The following PCDHGA6 variants were observed in gnomAD, a reference collection of about 807,000 sequenced individuals.
PCDHGA6 encodes protocadherin gamma subfamily A, 6, also known as protocadherin gamma-A6.
A neutral mutation model predicts 60.6 loss-of-function variants in PCDHGA6; 41 were observed. That is an observed-to-expected ratio of 0.68 (90% CI 0.53 to 0.88). PCDHGA6 has a LOEUF of 0.88. Ranked by LOEUF, PCDHGA6 falls within the 40% of genes least tolerant of loss-of-function variation. The pLI is 0.00. For synonymous variants in PCDHGA6, 594 were observed against 524.4 expected (o/e 1.13, Z -1.81); for missense variants, 1,312 against 1,203.0 (o/e 1.09, Z -1.34).
At chr5:141,415,304 C>T (rs1468756434) in intron 1 of PCDHGA6, 2 of 1,614,188 alleles carry the variant, frequency 1.2e-6, no homozygotes, top group Non-Finnish European at 8.5e-7. Context: ...GTCTTCCTGG[C>T]CTTCGTCATC....
intron 1 of PCDHGA6, chr5:141,427,240 C>G (rs1447231420): frequency 1.3e-5 from 6 of 456,536 alleles, no homozygotes; most frequent in Non-Finnish European, 2.6e-5. Context: ...AGAGTAGAAG[C>G]TAAGGATGGT....
At position 141,431,555 on chromosome 5, in the gene PCDHGA6, G is replaced by A. The variant is rs2097394199; in HGVS notation, c.2424+55048G>A. On this transcript the variant is annotated intron_variant, in intron 1 of 3. Transcript: ENST00000517434. This position sits in a 1 kb window ranked among gnomAD's most constrained non-coding sequence, Gnocchi z 4.8. The stretch of plus-strand genomic sequence containing the variant: ...GGGCACGCAGCTGCTTGTAGTCAAC[G>A]CTACCGACCCTGACGAAGGAGTCAA... 1 of 1,614,014 alleles carries A rather than the reference G, an allele frequency of 6.2e-7. No individual in the cohort carries two copies. The highest frequency in any genetic ancestry group is 8.5e-7 in the Non-Finnish European group (1 of 1,180,032).
At position 141,487,550 on chromosome 5, in the gene PCDHGA6, G is replaced by A. The variant is rs762537798; in HGVS notation, c.2425-7257G>A. 1 of 1,614,160 alleles carries A rather than the reference G, an allele frequency of 6.2e-7. No individual in the cohort carries two copies. The highest frequency in any genetic ancestry group is 1.1e-5 in the South Asian group (1 of 91,082). ...CTTCATGATGGTGAAGTCACCCAGT[G>A]CACCTATGGCAGGGGAGCCTGTTCG... On this transcript the variant is annotated intron_variant, in intron 1 of 3. Transcript: ENST00000517434. The surrounding 1 kb of genome is among the most constrained non-coding windows in gnomAD (Gnocchi z 5.0).
Position 141,483,381 on chromosome 5 carries a change from G to T in PCDHGA6, c.2425-11426G>T, listed in dbSNP as rs147887550. ...AAGCTATTGCAATATTTGAAGAGAA[G>T]ATTGATAAATGCTTGAACCAGCACA... On this transcript the variant is annotated intron_variant, in intron 1 of 3. Transcript: ENST00000517434. 2.0e-3 allele frequency among the ~76,000 whole-genome samples: 305 copies of T among 152,292 alleles called. 2 individuals are homozygous for T. Among genetic ancestry groups the T allele is most frequent in the African/African-American group, 6.9e-3 (286 of 41,558 alleles).
At chr5:141,404,791 G>A (rs747844350) in intron 1 of PCDHGA6, 2 of 1,613,932 alleles carry the variant, frequency 1.2e-6, no homozygotes, top group Non-Finnish European at 8.5e-7. Flanking sequence ...AGGCCAGTGA[G>A]CCAGGGCTCT....
At position 141,376,339 on chromosome 5, in the gene PCDHGA6, C is replaced by G; in HGVS notation, c.2256C>G (p.Thr752=). The change falls in exon 1 of 4, where the codon ACC becomes ACG. Residue 752 remains threonine (T), a synonymous_variant. Transcript: ENST00000517434. The part of the protein sequence containing the change: ...GVEGVRAFLQ[T]YSHEVSLTAD... ...AAGGGGTTCGGGCTTTCCTGCAGAC[C>G]TATTCCCACGAGGTCTCACTCACTG... is the stretch of plus-strand genomic sequence containing the variant. The G allele has an allele frequency of 6.2e-7, 1 of 1,614,192 alleles. No homozygotes were observed. Among genetic ancestry groups the G allele is most frequent in the Non-Finnish European group, 8.5e-7 (1 of 1,180,036 alleles).
At chr5:141,443,088 T>G (rs188899890) in intron 1 of PCDHGA6, among the ~76,000 whole-genome samples, 1 of 151,974 alleles carries the variant, frequency 6.6e-6, no homozygotes, top group African/African-American at 2.4e-5. Context: ...TGTTCCAGTC[T>G]CCTTCTCAAG....
intron 1 of PCDHGA6, among the ~76,000 whole-genome samples, chr5:141,439,371 TA>T (rs1008614540): frequency 7.2e-5 from 11 of 152,034 alleles, no homozygotes; most frequent in Non-Finnish European, 1.0e-4. Flanking sequence ...CAAGAAGAAA[TA>T]AAAATAAGTC....
chr5:141,409,824 C>T (rs1265260597), intron 1 of PCDHGA6: 1 of 1,610,860 alleles, frequency 6.2e-7, no homozygotes, highest in Non-Finnish European at 8.5e-7. Flanking sequence ...GGCTCGCCCA[C>T]GCTCAGCGCC....
intron 1 of PCDHGA6, among the ~76,000 whole-genome samples, chr5:141,494,397 A>G (rs965158973): frequency 7.2e-5 from 11 of 152,208 alleles, no homozygotes; most frequent in African/African-American, 2.4e-4. Flanking sequence ...GAATAAATTC[A>G]TTCTAGGGCT....
intron 1 of PCDHGA6, chr5:141,419,231 C>G (rs1309708358): frequency 2.5e-6 from 4 of 1,614,026 alleles, no homozygotes; most frequent in Admixed American, 1.7e-5. Context: ...GTCAGCCTAC[C>G]TGGTCCACGT....
intron 1 of PCDHGA6, among the ~76,000 whole-genome samples, chr5:141,482,529 GC>G (rs1229840218): frequency 3.6e-5 from 2 of 56,040 alleles, no homozygotes; most frequent in Non-Finnish European, 5.8e-5. Context: ...AGACAGACAT[GC>G]AAAAAAAAAA....
intron 1 of PCDHGA6, chr5:141,413,776 G>A: frequency 6.2e-7 from 1 of 1,613,188 alleles, no homozygotes; most frequent in Non-Finnish European, 8.5e-7. Context: ...GCTGGTACTG[G>A]AGCACTCCCT....
chr5:141,400,164 C>G (rs1307583379), intron 1 of PCDHGA6: 1 of 1,614,086 alleles, frequency 6.2e-7, no homozygotes, highest in Admixed American at 1.7e-5. Context: ...TACCCTCTGA[C>G]CCCCAGGCTG....
chr5:141,451,528 G>C (rs1451101169), intron 1 of PCDHGA6, among the ~76,000 whole-genome samples: 8 of 152,210 alleles, frequency 5.3e-5, no homozygotes. Flanking sequence ...AAGTAAAGGA[G>C]AGTGCCAGAG....
At chr5:141,479,048 C>A (rs1253895615) in intron 1 of PCDHGA6, among the ~76,000 whole-genome samples, 1 of 152,150 alleles carries the variant, frequency 6.6e-6, no homozygotes, top group Admixed American at 6.5e-5. Flanking sequence ...GTACCTCATT[C>A]TCAGATAATT....
intron 1 of PCDHGA6, among the ~76,000 whole-genome samples, chr5:141,494,034 A>T (rs1206242414): frequency 1.3e-5 from 2 of 152,162 alleles, no homozygotes; most frequent in Non-Finnish European, 2.9e-5. Flanking sequence ...CTGGAGACTT[A>T]GTTGGCCCTG....
Position 141,489,242 on chromosome 5 carries a change from T to C in PCDHGA6, c.2425-5565T>C. ...TCTCCACAAAGGGACTTCTGGGTCA[T>C]GGGGCCCAAGACACTCCCACAGCTC... On this transcript the variant is annotated intron_variant, in intron 1 of 3. Transcript: ENST00000517434. This position sits in a 1 kb window ranked among gnomAD's most constrained non-coding sequence, Gnocchi z 4.5. 6.5e-7 allele frequency: 1 copy of C among 1,534,502 alleles called. No individual in the cohort carries two copies. The highest frequency in any genetic ancestry group is 8.8e-7 in the Non-Finnish European group (1 of 1,141,994).
At position 141,431,176 on chromosome 5, in the gene PCDHGA6, A is replaced by G; in HGVS notation, c.2424+54669A>G. On this transcript the variant is annotated intron_variant, in intron 1 of 3. Coordinates refer to ENST00000517434, the MANE Select transcript of PCDHGA6 (RefSeq NM_018919.3). The surrounding 1 kb of genome is among the most constrained non-coding windows in gnomAD (Gnocchi z 4.8). Reference sequence around the variant, plus strand: ...CTTACTTTCGTGAAAGTGAATTAGAAATAAAAATTAGTGAAAATGCAGCCA... The same window carrying G: ...CTTACTTTCGTGAAAGTGAATTAGAGATAAAAATTAGTGAAAATGCAGCCA... The G allele has an allele frequency of 1.2e-6, 2 of 1,614,212 alleles. No individual in the cohort carries two copies. Among genetic ancestry groups the G allele is most frequent in the Non-Finnish European group, 1.7e-6 (2 of 1,180,032 alleles).
Sources: gnomAD v4.1 joint callset for allele counts (sites outside exome capture counted in the v4.1 genomes callset) on GRCh38, gnomAD v4.1.1 for gene constraint, Gnocchi (gnomAD v3.1) non-coding constraint, MANE v1.5 for transcripts, NCBI Gene and HGNC (gene_info 2026-07-23, HGNC 2026-07-21) for gene names.